Variants in ROBO2 observed in about 807,000 individuals in gnomAD.
The protein encoded by ROBO2 is roundabout homolog 2.
A neutral mutation model predicts 160.8 loss-of-function variants in ROBO2; 53 were observed. The observed-to-expected ratio is 0.33, with a 90% CI of 0.26 to 0.41. The LOEUF is 0.41. Among genes scored for constraint, ROBO2 ranks in the 10% least tolerant of loss-of-function variants. The pLI is 1.00. For synonymous variants in ROBO2, 664 were observed against 611.7 expected (o/e 1.09, Z -1.26); for missense variants, 1,577 against 1,722.4 (o/e 0.92, Z 1.49).
chr3:77,226,542 A>G (rs1051115071), intron 2 of ROBO2, among the ~76,000 whole-genome samples: 1 of 152,104 alleles, frequency 6.6e-6, no homozygotes, highest in Non-Finnish European at 1.5e-5. Context: ...TAAATCTTGA[A>G]CACCTACTAT....
intron 2 of ROBO2, among the ~76,000 whole-genome samples, chr3:76,044,723 A>T (rs1021961968): frequency 6.6e-6 from 1 of 152,088 alleles, no homozygotes; most frequent in Non-Finnish European, 1.5e-5. Flanking sequence ...TGCAATGTGC[A>T]TAAATAAAAT....
chr3:76,377,391 G>A (rs1018473376), intron 2 of ROBO2, among the ~76,000 whole-genome samples: 2 of 152,054 alleles, frequency 1.3e-5, no homozygotes, highest in Non-Finnish European at 2.9e-5. Context: ...GAGATTGCAC[G>A]ATGGTTGTTT....
intron 2 of ROBO2, among the ~76,000 whole-genome samples, chr3:76,136,567 G>A (rs1424933972): frequency 6.6e-6 from 1 of 152,008 alleles, no homozygotes; most frequent in Non-Finnish European, 1.5e-5. Context: ...ATATAGGAGT[G>A]CAGAGCAGGG....
intron 2 of ROBO2, among the ~76,000 whole-genome samples, chr3:76,379,725 C>T (rs1282333297): frequency 1.3e-5 from 2 of 152,002 alleles, no homozygotes; most frequent in Non-Finnish European, 2.9e-5. Flanking sequence ...TAAAAAAATG[C>T]TTGAAAATCC....
At chr3:77,439,281 T>C (rs1468044276) in intron 2 of ROBO2, among the ~76,000 whole-genome samples, 2 of 152,052 alleles carry the variant, frequency 1.3e-5, no homozygotes, top group African/African-American at 4.8e-5. Context: ...AATCACTTCA[T>C]TGAAACAGTC....
At chr3:75,960,204 C>T (rs1948862331) in intron 2 of ROBO2, among the ~76,000 whole-genome samples, 1 of 151,872 alleles carries the variant, frequency 6.6e-6, no homozygotes, top group East Asian at 2.0e-4. Context: ...GTCAGCTTCT[C>T]CTGGAGTCCT....
At chr3:76,377,742 G>A (rs1430555670) in intron 2 of ROBO2, among the ~76,000 whole-genome samples, 1 of 152,084 alleles carries the variant, frequency 6.6e-6, no homozygotes, top group Admixed American at 6.5e-5. Flanking sequence ...CAAACTGCTT[G>A]TGGGTTTTTT....
chr3:77,557,274 A>G (rs1037165061), intron 8 of ROBO2, among the ~76,000 whole-genome samples: 2 of 152,136 alleles, frequency 1.3e-5, no homozygotes, highest in South Asian at 4.1e-4. Flanking sequence ...TTTTTGTCAT[A>G]TGATAAATAT....
At chr3:77,386,720 G>A (rs144419764) in intron 2 of ROBO2, among the ~76,000 whole-genome samples, 3 of 147,460 alleles carry the variant, frequency 2.0e-5, no homozygotes, top group African/African-American at 5.0e-5. Flanking sequence ...CTCGTGCCTC[G>A]GCCTCCGGAG....
At chr3:76,073,617 A>C (rs2107978344) in intron 2 of ROBO2, among the ~76,000 whole-genome samples, 1 of 152,186 alleles carries the variant, frequency 6.6e-6, no homozygotes, top group African/African-American at 2.4e-5. Flanking sequence ...ATGTTAAATT[A>C]ATAAGAAAAT....
At chr3:76,999,598 T>A (rs759564638) in intron 2 of ROBO2, among the ~76,000 whole-genome samples, 1 of 152,172 alleles carries the variant, frequency 6.6e-6, no homozygotes, top group South Asian at 2.1e-4. Flanking sequence ...GTATTCATTC[T>A]AGTCATAATT....
At chr3:76,567,797 G>A (rs57974675) in intron 2 of ROBO2, among the ~76,000 whole-genome samples, 25,713 of 71,120 alleles carry the variant, frequency 0.36, 3,748 homozygotes, top group East Asian at 0.5. Flanking sequence ...GTGTGTGTGT[G>A]TATATATATA....
intron 2 of ROBO2, among the ~76,000 whole-genome samples, chr3:76,222,096 A>G (rs1180249442): frequency 1.3e-5 from 2 of 152,042 alleles, no homozygotes; most frequent in African/African-American, 4.8e-5. Context: ...GTGAGTGGAA[A>G]CCTATGTTGC....
At chr3:76,068,216 A>T (rs1036566031) in intron 2 of ROBO2, among the ~76,000 whole-genome samples, 1 of 152,112 alleles carries the variant, frequency 6.6e-6, no homozygotes, top group African/African-American at 2.4e-5. Context: ...TGTTTGAGGG[A>T]GGGTAAGGAG....
chr3:77,620,383 T>C (rs1207673048), intron 22 of ROBO2, among the ~76,000 whole-genome samples: 1 of 152,224 alleles, frequency 6.6e-6, no homozygotes, highest in Non-Finnish European at 1.5e-5. Flanking sequence ...AATTTACCTC[T>C]TAATTTTGCT....
chr3:76,035,676 C>T (rs200299168), intron 2 of ROBO2, among the ~76,000 whole-genome samples: 1 of 151,758 alleles, frequency 6.6e-6, no homozygotes, highest in Admixed American at 6.6e-5. Context: ...GTTGAATCCA[C>T]AAGCCATATT....
At chr3:76,723,552 T>C (rs757792228) in intron 2 of ROBO2, among the ~76,000 whole-genome samples, 47 of 152,324 alleles carry the variant, frequency 3.1e-4, no homozygotes, top group South Asian at 1.5e-3. Flanking sequence ...CAGCCTCCTA[T>C]TATAAGTCTA....
At chr3:77,182,302 G>A (rs2080862587) in intron 2 of ROBO2, among the ~76,000 whole-genome samples, 1 of 152,056 alleles carries the variant, frequency 6.6e-6, no homozygotes, top group South Asian at 2.1e-4. Flanking sequence ...TAATGTTTGA[G>A]AACCATACTT....
intron 2 of ROBO2, among the ~76,000 whole-genome samples, chr3:76,272,864 AAAATATATAATATATAT>A (rs1707592493): frequency 1.1e-5 from 1 of 87,038 alleles, no homozygotes; most frequent in African/African-American, 5.1e-5. Flanking sequence ...TAAAATATAT[AAAATATATAATATATAT>A]TTATATATAA....
Sources: gnomAD v4.1 joint callset for allele counts (sites outside exome capture counted in the v4.1 genomes callset) on GRCh38, gnomAD v4.1.1 for gene constraint, MANE v1.5 for transcripts, NCBI Gene and HGNC (gene_info 2026-07-23, HGNC 2026-07-21) for gene names.